Variants in FHL2 observed in about 807,000 individuals in gnomAD.
The protein encoded by FHL2 is four and a half LIM domains protein 2.
A neutral mutation model predicts 32.7 loss-of-function variants in FHL2; 20 were observed. The observed-to-expected ratio is 0.61, with a 90% CI of 0.43 to 0.89. The LOEUF is 0.89. Ranked by LOEUF, FHL2 falls within the 40% of genes least tolerant of loss-of-function variation. The pLI is 0.00. For synonymous variants in FHL2, 123 were observed against 128.1 expected (o/e 0.96, Z 0.27); for missense variants, 311 against 358.6 (o/e 0.87, Z 1.07).
At chr2:105,402,525 G>C (rs111296192), upstream of FHL2, among the ~76,000 whole-genome samples, 2 of 152,052 alleles carry the variant, frequency 1.3e-5, no homozygotes, top group Non-Finnish European at 2.9e-5. Flanking sequence ...AATTACAGGC[G>C]TGGGCGACCA....
intron 1 of FHL2, among the ~76,000 whole-genome samples, chr2:105,435,307 T>C (rs1684576442): frequency 1.3e-5 from 2 of 152,236 alleles, no homozygotes; most frequent in Admixed American, 1.3e-4. Context: ...TGTTTTCATA[T>C]AACCCATTGT....
intron 1 of FHL2, among the ~76,000 whole-genome samples, chr2:105,436,951 G>A (rs918338795): frequency 6.6e-6 from 1 of 152,148 alleles, no homozygotes; most frequent in African/African-American, 2.4e-5. Flanking sequence ...ACATTTCAGA[G>A]ATCGGTAGAA....
intron 1 of FHL2, among the ~76,000 whole-genome samples, chr2:105,409,894 G>A (rs1683743596): frequency 6.6e-6 from 1 of 152,220 alleles, no homozygotes; most frequent in African/African-American, 2.4e-5. Context: ...AGGAGAGCAA[G>A]CCGACTCATG....
At chr2:105,431,697 G>A (rs58881466) in intron 1 of FHL2, among the ~76,000 whole-genome samples, 109 of 152,336 alleles carry the variant, frequency 7.2e-4, no homozygotes, top group African/African-American at 2.4e-3. Flanking sequence ...CCATTGGAAC[G>A]TTTGGGAAAA....
chr2:105,427,856 C>T (rs959347751), intron 1 of FHL2, among the ~76,000 whole-genome samples: 2 of 152,128 alleles, frequency 1.3e-5, no homozygotes, highest in Non-Finnish European at 2.9e-5. Flanking sequence ...CTGTGGACCT[C>T]ACATACTTAT....
At chr2:105,367,050 A>G (rs1680686181) in intron 5 of FHL2, among the ~76,000 whole-genome samples, 1 of 152,244 alleles carries the variant, frequency 6.6e-6, no homozygotes, top group Non-Finnish European at 1.5e-5. Context: ...CTGGGATTAC[A>G]GGCATGAGCC....
At chr2:105,376,656 T>G (rs998470601) in intron 3 of FHL2, 2 of 152,250 alleles carry the variant, frequency 1.3e-5, no homozygotes, top group Non-Finnish European at 2.9e-5. Flanking sequence ...GCAATTGTAC[T>G]TTTGGATATA....
At chr2:105,397,010 G>GTTTTTTTTTTTTTTTTTTTTT (rs35576785) in intron 1 of FHL2, 1 of 108,298 alleles carries the variant, frequency 9.2e-6, no homozygotes, top group Admixed American at 1.1e-4. Flanking sequence ...TATCTAGTCT[G>GTTTTTTTTTTTTTTTTTTTTT]TTTTTTTTTT....
chr2:105,420,002 G>C (rs1053600050), intron 1 of FHL2, among the ~76,000 whole-genome samples: 1 of 152,182 alleles, frequency 6.6e-6, no homozygotes, highest in Non-Finnish European at 1.5e-5. Context: ...GTCTCAAGAG[G>C]AGAAGTGACT....
intron 1 of FHL2, among the ~76,000 whole-genome samples, chr2:105,398,525 G>T (rs375280297): frequency 6.6e-6 from 1 of 152,166 alleles, no homozygotes; most frequent in East Asian, 1.9e-4. Flanking sequence ...GCTGGGACCC[G>T]CGGCCAGCCT....
At chr2:105,433,224 T>C (rs12992079) in intron 1 of FHL2, among the ~76,000 whole-genome samples, 7,926 of 150,412 alleles carry the variant, frequency 0.053, 325 homozygotes, top group East Asian at 0.15. Flanking sequence ...TCTGTCACCC[T>C]GGGTGAAGTG....
rs1363652833 is a variant in FHL2 at position 105,361,118 on chromosome 2, T to C, written c.*165A>G. On this transcript the variant is annotated 3_prime_UTR_variant, in exon 7 of 7. Transcript: ENST00000530340. ...TTTCTCTTTCCCTGGGACTGAACTA[T>C]CACAAAGCACTAAAGGGTTTAAGCA... 1.1e-5 allele frequency: 7 copies of C among 636,604 alleles called. No individual in the cohort carries two copies. The highest frequency in any genetic ancestry group is 1.8e-5 in the Non-Finnish European group (7 of 387,994). The allele number at this position is 636,604 out of a possible 1,614,324, so 39.4% of individuals were successfully genotyped here.
rs370761514 is a variant in FHL2 at position 105,417,412 on chromosome 2, C to T, written c.-25+20987G>A. Among the ~76,000 whole-genome samples, 14 of 151,374 alleles carry T rather than the reference C, an allele frequency of 9.2e-5. No individual in the cohort carries two copies. In the East Asian group the frequency reaches 2.0e-3, roughly 21 times the overall value. ...GAAAAAAAAAATGTGTTGCTGGGCA[C>T]GGTGGCTCACGCCTGTAATCCCAGC... On this transcript the variant is annotated intron_variant, in intron 1 of 5. Transcript: ENST00000393352.
intron 1 of FHL2, among the ~76,000 whole-genome samples, chr2:105,428,596 A>C (rs558509887): frequency 3.9e-5 from 6 of 152,302 alleles, no homozygotes; most frequent in African/African-American, 1.4e-4. Flanking sequence ...CTGCCCCATG[A>C]CCATGCTTGC....
intron 3 of FHL2, chr2:105,374,080 A>T (rs1050365456): frequency 6.4e-6 from 2 of 314,890 alleles, no homozygotes; most frequent in Non-Finnish European, 1.2e-5. Flanking sequence ...CTCACACCAC[A>T]TCCGGTGACA....
intron 2 of FHL2, among the ~76,000 whole-genome samples, chr2:105,396,125 G>A (rs1486459601): frequency 6.6e-6 from 1 of 152,156 alleles, no homozygotes. Flanking sequence ...TAATAGTCAG[G>A]GTTTTCTAGA....
upstream of FHL2, among the ~76,000 whole-genome samples, chr2:105,404,064 G>A (rs941517375): frequency 2.6e-5 from 4 of 152,200 alleles, no homozygotes; most frequent in Non-Finnish European, 5.9e-5. Context: ...CCTCCTACCC[G>A]GATGGGGGCT....
chr2:105,423,748 C>T (rs1302227811), intron 1 of FHL2, among the ~76,000 whole-genome samples: 1 of 152,194 alleles, frequency 6.6e-6, no homozygotes, highest in Non-Finnish European at 1.5e-5. Flanking sequence ...TGATCTTTGA[C>T]AAACCTGACA....
chr2:105,402,932 A>G (rs534012950), upstream of FHL2, among the ~76,000 whole-genome samples: 1 of 152,370 alleles, frequency 6.6e-6, no homozygotes, highest in South Asian at 2.1e-4. Flanking sequence ...AATGCTGTCT[A>G]TGGCAGCATA....
Sources: allele counts gnomAD v4.1 joint callset (sites outside exome capture counted in the v4.1 genomes callset), GRCh38; gene constraint gnomAD v4.1.1; transcripts MANE v1.5; gene names NCBI Gene and HGNC (gene_info 2026-07-23, HGNC 2026-07-21).